PPP2R3A: variants seen among roughly 807,000 people sequenced by gnomAD.
PPP2R3A encodes protein phosphatase 2 regulatory subunit B''alpha.
In PPP2R3A, 80 loss-of-function variants were observed where a neutral mutation model predicts 106.9. The ratio of observed to expected loss-of-function variants is 0.75; its 90% CI spans 0.62 to 0.90. PPP2R3A has a LOEUF of 0.90. Among genes scored for constraint, PPP2R3A ranks in the 40% least tolerant of loss-of-function variants. PPP2R3A has a pLI of 0.00. For synonymous variants in PPP2R3A, 483 were observed against 468.3 expected (o/e 1.03, Z -0.41); for missense variants, 1,386 against 1,350.4 (o/e 1.03, Z -0.41).
At chr3:136,029,209 A>G (rs984470775) in intron 3 of PPP2R3A, among the ~76,000 whole-genome samples, 2 of 152,200 alleles carry the variant, frequency 1.3e-5, no homozygotes, top group African/African-American at 4.8e-5. Flanking sequence ...GTAAGCAGAC[A>G]AAGAGAAACT....
intron 2 of PPP2R3A, among the ~76,000 whole-genome samples, chr3:136,010,118 T>A (rs903823667): frequency 9.2e-5 from 14 of 152,300 alleles, no homozygotes; most frequent in African/African-American, 3.4e-4. Flanking sequence ...CCTATTTTAC[T>A]GAGACAACTA....
At chr3:135,969,652 T>G (rs1937186560) in intron 1 of PPP2R3A, among the ~76,000 whole-genome samples, 1 of 152,234 alleles carries the variant, frequency 6.6e-6, no homozygotes, top group Non-Finnish European at 1.5e-5. Context: ...TGAAATTATC[T>G]AGGGCAGTGG....
chr3:135,987,287 C>A (rs761150856), intron 1 of PPP2R3A, among the ~76,000 whole-genome samples: 4 of 152,078 alleles, frequency 2.6e-5, no homozygotes, highest in East Asian at 1.9e-4. Context: ...AGTAACATAA[C>A]CAGAGTATCA....
At chr3:136,036,010 C>A (rs1295673546) in intron 3 of PPP2R3A, among the ~76,000 whole-genome samples, 1 of 151,658 alleles carries the variant, frequency 6.6e-6, no homozygotes, top group East Asian at 1.9e-4. Context: ...TTGTTCAGTT[C>A]CATTGCTGAG....
At chr3:135,997,115 T>G (rs970151717) in intron 1 of PPP2R3A, among the ~76,000 whole-genome samples, 19 of 152,160 alleles carry the variant, frequency 1.2e-4, no homozygotes, top group African/African-American at 4.6e-4. Context: ...AAGAAAAAAT[T>G]CATATCTCCA....
intron 13 of PPP2R3A, among the ~76,000 whole-genome samples, chr3:136,124,615 CAA>C (rs1342419087): frequency 6.6e-6 from 1 of 151,218 alleles, no homozygotes; most frequent in East Asian, 1.9e-4. Context: ...AAAGAGCAAA[CAA>C]GACCAAAAAT....
At chr3:136,114,760 G>GA (rs968286601) in intron 13 of PPP2R3A, among the ~76,000 whole-genome samples, 3 of 152,090 alleles carry the variant, frequency 2.0e-5, no homozygotes, top group African/African-American at 2.4e-5. Context: ...GGCATCTCTG[G>GA]AAAAAAAGGC....
Position 136,145,217 on chromosome 3 carries a change from T to C in PPP2R3A, c.*51T>C, listed in dbSNP as rs778684096. On this transcript the variant is annotated 3_prime_UTR_variant, in exon 14 of 14. Transcript: ENST00000264977. ...GATGTGTATTTTAAATGTTTCTTTC[T>C]TGTGAAGAGATGTTCTCGTTTGCAT... 2.6e-6 allele frequency: 4 copies of C among 1,564,172 alleles called. No homozygotes were observed. The highest frequency in any genetic ancestry group is 3.9e-5 in the Admixed American group (2 of 51,426).
At chr3:136,095,042 T>G (rs1937184624) in intron 10 of PPP2R3A, among the ~76,000 whole-genome samples, 1 of 152,168 alleles carries the variant, frequency 6.6e-6, no homozygotes. Flanking sequence ...GGAAAGATGG[T>G]CCCAAATGCT....
At chr3:135,999,325 G>A (rs1933526311) in intron 1 of PPP2R3A, among the ~76,000 whole-genome samples, 1 of 152,152 alleles carries the variant, frequency 6.6e-6, no homozygotes, top group African/African-American at 2.4e-5. Flanking sequence ...GGCCACACTG[G>A]CAGGATTGGG....
chr3:136,028,576 A>C (rs1934750110), intron 3 of PPP2R3A, among the ~76,000 whole-genome samples: 1 of 152,232 alleles, frequency 6.6e-6, no homozygotes, highest in African/African-American at 2.4e-5. Flanking sequence ...CTCCCTGGAC[A>C]TGTGGTAACA....
chr3:135,971,973 T>C (rs1937259590), intron 1 of PPP2R3A, among the ~76,000 whole-genome samples: 1 of 152,062 alleles, frequency 6.6e-6, no homozygotes, highest in Admixed American at 6.6e-5. Context: ...AACTGTGTGA[T>C]TTTTTTTAAT....
chr3:136,049,774 A>G (rs1269925131), intron 5 of PPP2R3A, among the ~76,000 whole-genome samples: 1 of 152,242 alleles, frequency 6.6e-6, no homozygotes, highest in African/African-American at 2.4e-5. Context: ...TGATGTAACC[A>G]GGATCACTCT....
chr3:135,997,453 T>A (rs1377934789), intron 1 of PPP2R3A, among the ~76,000 whole-genome samples: 2 of 152,158 alleles, frequency 1.3e-5, no homozygotes, highest in African/African-American at 2.4e-5. Flanking sequence ...ATGTCATTGA[T>A]CCTCAACTTT....
intron 1 of PPP2R3A, among the ~76,000 whole-genome samples, chr3:135,982,299 C>CT (rs1937548876): frequency 6.7e-6 from 1 of 148,964 alleles, no homozygotes; most frequent in Non-Finnish European, 1.5e-5. Flanking sequence ...TCATCGGGTT[C>CT]TTTGTCTATA....
In PPP2R3A at chr3:136,044,697, C is replaced by T. The variant is rs549767721; in HGVS notation, c.2366+3735C>T. On this transcript the variant is annotated intron_variant, in intron 4 of 13. Transcript: ENST00000264977. ...AGTAAACCAGCATACTTTGAACAGA[C>T]CTTTTAAGAGAAAGCACTGAGAGTC... Among the ~76,000 whole-genome samples the T allele has an allele frequency of 6.6e-5, 10 of 151,966 alleles. No individual in the cohort carries two copies. In the South Asian group the frequency reaches 2.1e-3, roughly 32 times the overall value.
chr3:136,053,826 C>A (rs1305838801), intron 5 of PPP2R3A, among the ~76,000 whole-genome samples: 1 of 152,090 alleles, frequency 6.6e-6, no homozygotes, highest in African/African-American at 2.4e-5. Context: ...AAGAAAGATA[C>A]CTGTTGAAAA....
Position 136,002,728 on chromosome 3 carries a change from C to G in PPP2R3A, c.1230C>G (p.Asp410Glu). Reference protein sequence around the residue: ...MNPLENVSSDDLMETLYIEEE... With the variant: ...MNPLENVSSDELMETLYIEEE... ...CTTTAGAAAATGTTTCTTCTGACGA[C>G]TTAATGGAAACTCTTTATATTGAAG... The change falls in exon 2 of 14, where the codon GAC (aspartate) becomes GAG (glutamate). Residue 410 changes from aspartate (D) to glutamate (E), a missense_variant. Physicochemically the swap from Asp to Glu is conservative, Grantham distance 45. Coordinates refer to ENST00000264977, the MANE Select transcript of PPP2R3A (RefSeq NM_002718.5). 1 of 1,612,790 alleles carries G rather than the reference C, an allele frequency of 6.2e-7. No individual in the cohort carries two copies. The highest frequency in any genetic ancestry group is 1.3e-5 in the African/African-American group (1 of 74,850).
intron 4 of PPP2R3A, among the ~76,000 whole-genome samples, chr3:136,044,811 AAAG>A (rs896260844): frequency 6.6e-5 from 10 of 152,254 alleles, no homozygotes; most frequent in South Asian, 2.1e-4. Flanking sequence ...GGAAGGGGTG[AAAG>A]AAGTAACTGC....
Sources: allele counts gnomAD v4.1 joint callset (sites outside exome capture counted in the v4.1 genomes callset), GRCh38; gene constraint gnomAD v4.1.1; transcripts MANE v1.5; gene names NCBI Gene and HGNC (gene_info 2026-07-23, HGNC 2026-07-21).